PCDHGA7: variants seen among roughly 807,000 people sequenced by gnomAD.
PCDHGA7 encodes the protein protocadherin gamma subfamily A, 7.
In PCDHGA7, 44 loss-of-function variants were observed where a neutral mutation model predicts 58.3. The observed-to-expected ratio is 0.75, with a 90% CI of 0.59 to 0.97. PCDHGA7 has a LOEUF of 0.97. PCDHGA7 is among the 50% of genes least tolerant of loss of function. PCDHGA7 has a pLI of 0.00. For missense variants in PCDHGA7, 1,266 were observed against 1,188.7 expected, an observed-to-expected ratio of 1.06 and a Z score of -0.96; for synonymous variants, 516 against 504.2, an observed-to-expected ratio of 1.02 and a Z score of -0.31.
chr5:141,453,302 T>C (rs189741118), intron 1 of PCDHGA7, among the ~76,000 whole-genome samples: 18 of 152,008 alleles, frequency 1.2e-4, no homozygotes, highest in Middle Eastern at 6.8e-3. Flanking sequence ...TTTATTTATT[T>C]ATTTATTTAT....
At position 141,427,625 on chromosome 5, in the gene PCDHGA7, T is replaced by G. The variant is rs150347956; in HGVS notation, c.2424+42302T>G. On this transcript the variant is annotated intron_variant, in intron 1 of 3. Coordinates refer to ENST00000518325, the MANE Select transcript of PCDHGA7 (RefSeq NM_018920.4). Reference sequence around the variant, plus strand: ...GCATTGGTGAAGTCAACGACAATGCTCCGGTTTTCCACCAAGTCTCCTACG... The same window carrying G: ...GCATTGGTGAAGTCAACGACAATGCGCCGGTTTTCCACCAAGTCTCCTACG... The G allele has an allele frequency of 2.7e-3, 1,907 of 699,068 alleles. 5 individuals are homozygous for G. The highest frequency in any genetic ancestry group is 4.1e-3 in the Non-Finnish European group (1,558 of 384,098). The allele number at this position is 699,068 out of a possible 1,614,324, so 43.3% of individuals were successfully genotyped here.
intron 2 of PCDHGA7, among the ~76,000 whole-genome samples, chr5:141,496,839 AG>A (rs2099771805): frequency 1.3e-5 from 2 of 151,484 alleles, no homozygotes; most frequent in African/African-American, 4.9e-5. Context: ...CAGAACTCAT[AG>A]GCTTCCAGAC....
At chr5:141,415,655 T>C (rs780357843) in intron 1 of PCDHGA7, 50 of 1,586,718 alleles carry the variant, frequency 3.2e-5, no homozygotes, top group Non-Finnish European at 4.0e-5. Flanking sequence ...AAAAAAAAGA[T>C]TGGTTTTTAC....
chr5:141,400,439 C>T, intron 1 of PCDHGA7: 1 of 1,614,056 alleles, frequency 6.2e-7, no homozygotes. Context: ...CAATTGAGTT[C>T]AGGACAAGAC....
chr5:141,457,441 G>A (rs941085406), intron 1 of PCDHGA7, among the ~76,000 whole-genome samples: 1 of 152,134 alleles, frequency 6.6e-6, no homozygotes, highest in African/African-American at 2.4e-5. Flanking sequence ...CCAAGCTGCA[G>A]AAGATCACCA....
intron 2 of PCDHGA7, among the ~76,000 whole-genome samples, chr5:141,497,865 A>G (rs1248242691): frequency 2.0e-5 from 3 of 152,168 alleles, no homozygotes; most frequent in Admixed American, 2.0e-4. Flanking sequence ...CAGCGGCTCC[A>G]AAGTGAAATA....
intron 1 of PCDHGA7, chr5:141,414,124 G>T (rs1214312992): frequency 6.3e-7 from 1 of 1,592,872 alleles, no homozygotes; most frequent in East Asian, 2.3e-5. Flanking sequence ...TGAAGAAACC[G>T]GTTTCTATGA....
At chr5:141,421,065 A>C in intron 1 of PCDHGA7, 1 of 591,556 alleles carries the variant, frequency 1.7e-6, no homozygotes. Flanking sequence ...CACAAAGCGG[A>C]ATGAGATGGA....
chr5:141,432,191 G>C lies in PCDHGA7; in HGVS notation c.2424+46868G>C. 2.5e-6 allele frequency: 4 copies of C among 1,614,110 alleles called. No individual in the cohort carries two copies. Among genetic ancestry groups the C allele is most frequent in the Non-Finnish European group, 3.4e-6 (4 of 1,180,026 alleles). On this transcript the variant is annotated intron_variant, in intron 1 of 3. Coordinates refer to ENST00000518325, the MANE Select transcript of PCDHGA7 (RefSeq NM_018920.4). The surrounding 1 kb of genome is among the most constrained non-coding windows in gnomAD (Gnocchi z 6.0). ...TTCCCTCGTCTCTGTGACCGCCCAC[G>C]ACCCCGACTGTGAAGAGAACGCCCA... is the stretch of plus-strand genomic sequence containing the variant.
At chr5:141,418,201 A>G (rs2096236241) in intron 1 of PCDHGA7, 1 of 1,614,020 alleles carries the variant, frequency 6.2e-7, no homozygotes, top group Non-Finnish European at 8.5e-7. Flanking sequence ...AAAATCCTTT[A>G]AATATTTTTC....
At position 141,485,704 on chromosome 5, in the gene PCDHGA7, CTT is replaced by C; in HGVS notation, c.2425-9101_2425-9100del. On this transcript the variant is annotated intron_variant, in intron 1 of 3. Coordinates refer to ENST00000518325, the MANE Select transcript of PCDHGA7 (RefSeq NM_018920.4). The surrounding 1 kb of genome is among the most constrained non-coding windows in gnomAD (Gnocchi z 5.7). ...GCTATAGGCTGAGCTCCAATGAACA[CTT>C]TGCACTGGATGTGAAGAAGCGCAGC... is the stretch of plus-strand genomic sequence containing the variant. 6.2e-7 allele frequency: 1 copy of C among 1,614,180 alleles called. No homozygotes were observed. The highest frequency in any genetic ancestry group is 8.5e-7 in the Non-Finnish European group (1 of 1,180,032).
intron 1 of PCDHGA7, chr5:141,414,983 G>C: frequency 6.2e-7 from 1 of 1,613,716 alleles, no homozygotes; most frequent in Non-Finnish European, 8.5e-7. Context: ...AGAGACTCCG[G>C]CCAGAACGCC....
chr5:141,401,888 TTC>T (rs1281227155), intron 1 of PCDHGA7, among the ~76,000 whole-genome samples: 3 of 152,232 alleles, frequency 2.0e-5, no homozygotes, highest in Non-Finnish European at 2.9e-5. Flanking sequence ...ATATTTTGTG[TTC>T]TTTTTCCCAA....
chr5:141,492,499 C>T (rs2099741220), intron 1 of PCDHGA7, among the ~76,000 whole-genome samples: 1 of 152,198 alleles, frequency 6.6e-6, no homozygotes. Context: ...GGCGAGGACT[C>T]CGGAGCCTCC....
chr5:141,481,445 T>C (rs760413279), intron 1 of PCDHGA7, among the ~76,000 whole-genome samples: 2 of 152,260 alleles, frequency 1.3e-5, no homozygotes, highest in Non-Finnish European at 2.9e-5. Context: ...GTTTAGTACA[T>C]GTAAATACAC....
chr5:141,492,316 G>C (rs1283387204), intron 1 of PCDHGA7, among the ~76,000 whole-genome samples: 1 of 152,190 alleles, frequency 6.6e-6, no homozygotes. Context: ...CGCACTCCTC[G>C]CACGTGGGCT....
chr5:141,468,801 A>G (rs949203275), intron 1 of PCDHGA7, among the ~76,000 whole-genome samples: 15 of 151,736 alleles, frequency 9.9e-5, no homozygotes, highest in South Asian at 2.1e-4. Context: ...GGGAGGCGGA[A>G]CTTGCAGTGA....
chr5:141,435,760 T>C (rs1241767830), intron 1 of PCDHGA7, among the ~76,000 whole-genome samples: 1 of 152,172 alleles, frequency 6.6e-6, no homozygotes, highest in Non-Finnish European at 1.5e-5. Context: ...TTGATTTCTT[T>C]TGGTGAATTC....
chr5:141,483,007 C>G (rs938404755), intron 1 of PCDHGA7, among the ~76,000 whole-genome samples: 1 of 152,140 alleles, frequency 6.6e-6, no homozygotes, highest in South Asian at 2.1e-4. Flanking sequence ...ATTGCTTGAA[C>G]CCGGGAGGCA....
Sources: allele counts gnomAD v4.1 joint callset (sites outside exome capture counted in the v4.1 genomes callset), GRCh38; gene constraint gnomAD v4.1.1; non-coding constraint Gnocchi (gnomAD v3.1); transcripts MANE v1.5; gene names NCBI Gene and HGNC (gene_info 2026-07-23, HGNC 2026-07-21).